Variants in PTPRD observed in about 807,000 individuals in gnomAD.
PTPRD encodes protein tyrosine phosphatase receptor type D, also known as receptor-type tyrosine-protein phosphatase delta.
A neutral mutation model predicts 214.5 loss-of-function variants in PTPRD; 34 were observed. The observed-to-expected ratio is 0.16, with a 90% confidence interval of 0.12 to 0.21. The LOEUF (loss-of-function observed/expected upper bound fraction) is 0.21, where lower values mean the gene tolerates loss of function less well. Among genes scored for constraint, PTPRD ranks in the 10% least tolerant of loss-of-function variants. The probability of loss-of-function intolerance (pLI) is 1.00; values close to 1 mark genes in which losing one functional copy is unlikely to be tolerated. For synonymous variants in PTPRD, 1,128 were observed against 845.7 expected (o/e 1.33, Z -5.79); for missense variants, 2,545 against 2,398.7 (o/e 1.06, Z -1.27).
At chr9:9,969,125 G>A (rs1430667104) in intron 4 of PTPRD, among the ~76,000 whole-genome samples, 1 of 152,024 alleles carries the variant, frequency 6.6e-6, no homozygotes, top group Non-Finnish European at 1.5e-5. Context: ...TCTCACTGAG[G>A]AAATAACAAA....
chr9:10,563,137 G>A (rs118127110), intron 2 of PTPRD, among the ~76,000 whole-genome samples: 32 of 152,222 alleles, frequency 2.1e-4, no homozygotes, highest in Non-Finnish European at 4.6e-4. Flanking sequence ...CTGAATACCA[G>A]AAACATGCTA....
intron 2 of PTPRD, among the ~76,000 whole-genome samples, chr9:10,372,836 C>CATTATTATTATTATTATT (rs6150914): frequency 6.8e-5 from 10 of 146,632 alleles, no homozygotes; most frequent in African/African-American, 2.5e-4. Context: ...TGTTTTTATA[C>CATTATTATTATTATTATT]ATTATTATTA....
At chr9:10,402,309 T>G (rs150297100) in intron 2 of PTPRD, among the ~76,000 whole-genome samples, 1 of 151,872 alleles carries the variant, frequency 6.6e-6, no homozygotes, top group African/African-American at 2.4e-5. Context: ...TATACTTCTA[T>G]GAACTCTCTG....
intron 6 of PTPRD, among the ~76,000 whole-genome samples, chr9:9,762,659 T>G (rs1160287522): frequency 6.6e-6 from 1 of 152,216 alleles, no homozygotes. Context: ...TCTCTTCCAG[T>G]TTACACTGAC....
intron 14 of PTPRD, among the ~76,000 whole-genome samples, chr9:8,556,502 C>T (rs149832083): frequency 7.8e-4 from 119 of 152,142 alleles, no homozygotes; most frequent in African/African-American, 2.8e-3. Context: ...GTGCTAAAAG[C>T]ACTTAATTAG....
At chr9:9,976,899 T>A (rs1480067810) in intron 4 of PTPRD, among the ~76,000 whole-genome samples, 1 of 151,918 alleles carries the variant, frequency 6.6e-6, no homozygotes, top group Non-Finnish European at 1.5e-5. Context: ...CACAACAAAT[T>A]TGATTTGGCG....
intron 3 of PTPRD, among the ~76,000 whole-genome samples, chr9:10,063,230 C>T (rs186125615): frequency 2.9e-3 from 438 of 152,108 alleles, no homozygotes; most frequent in Middle Eastern, 0.01. Flanking sequence ...CTTCTGTCAA[C>T]GTTTTAACCA....
At chr9:8,327,444 T>A (rs989797414) in intron 44 of PTPRD, among the ~76,000 whole-genome samples, 18 of 152,176 alleles carry the variant, frequency 1.2e-4, no homozygotes, top group African/African-American at 4.3e-4. Context: ...GAGGAGTGTT[T>A]TACTTCCAAT....
chr9:10,006,189 A>C (rs1439681882), intron 4 of PTPRD, among the ~76,000 whole-genome samples: 1 of 152,044 alleles, frequency 6.6e-6, no homozygotes, highest in African/African-American at 2.4e-5. Flanking sequence ...TGGAAAAATA[A>C]TCATACAATT....
At chr9:8,337,661 TA>T (rs758648301) in intron 43 of PTPRD, among the ~76,000 whole-genome samples, 57 of 145,474 alleles carry the variant, frequency 3.9e-4, no homozygotes, top group Non-Finnish European at 3.8e-4. Context: ...AGGGAGACTT[TA>T]AAAAAAAAAA....
At chr9:9,380,862 C>G (rs182201610) in intron 9 of PTPRD, among the ~76,000 whole-genome samples, 1 of 152,176 alleles carries the variant, frequency 6.6e-6, no homozygotes, top group Non-Finnish European at 1.5e-5. Flanking sequence ...GTTTAACACT[C>G]TATTTTTAGG....
intron 2 of PTPRD, among the ~76,000 whole-genome samples, chr9:10,347,938 T>C (rs540807173): frequency 6.9e-4 from 104 of 151,572 alleles, no homozygotes; most frequent in African/African-American, 2.3e-3. Flanking sequence ...GTGCCTGGAG[T>C]CCCTGCTATT....
At chr9:9,329,216 T>C (rs73390874) in intron 9 of PTPRD, among the ~76,000 whole-genome samples, 2,445 of 152,168 alleles carry the variant, frequency 0.016, 58 homozygotes, top group African/African-American at 0.056. Context: ...GGCTACTTAC[T>C]TTTATTGTTT....
At chr9:9,750,048 C>A (rs186973466) in intron 6 of PTPRD, among the ~76,000 whole-genome samples, 1 of 151,978 alleles carries the variant, frequency 6.6e-6, no homozygotes, top group Non-Finnish European at 1.5e-5. Flanking sequence ...AAAACAACTA[C>A]GAAAAATAAA....
intron 9 of PTPRD, among the ~76,000 whole-genome samples, chr9:9,195,991 A>G (rs2099938364): frequency 2.0e-5 from 3 of 152,182 alleles, no homozygotes; most frequent in Non-Finnish European, 4.4e-5. Flanking sequence ...TGAAGAATTA[A>G]AAGATAAAAG....
intron 4 of PTPRD, among the ~76,000 whole-genome samples, chr9:9,998,126 AAAAAT>A (rs1184867398): frequency 1.1e-4 from 9 of 78,584 alleles, no homozygotes; most frequent in African/African-American, 3.7e-4. Flanking sequence ...AAAAAAAAAA[AAAAAT>A]ATATATATAT....
intron 2 of PTPRD, among the ~76,000 whole-genome samples, chr9:10,354,801 A>C (rs1161580506): frequency 1.3e-5 from 2 of 152,132 alleles, no homozygotes; most frequent in Admixed American, 6.5e-5. Context: ...TGCATCTGAC[A>C]GTTCTAATGG....
intron 5 of PTPRD, among the ~76,000 whole-genome samples, chr9:9,860,735 C>T (rs16874): frequency 0.35 from 52,474 of 151,946 alleles, 10,002 homozygotes; most frequent in East Asian, 0.74. Flanking sequence ...CCTAGGACCA[C>T]TAAACAATTG....
chr9:9,037,171 A>T (rs1011856563), intron 10 of PTPRD, among the ~76,000 whole-genome samples: 2 of 152,124 alleles, frequency 1.3e-5, no homozygotes, highest in Non-Finnish European at 2.9e-5. Context: ...TGTGTATCTC[A>T]GGCTAAAACA....
Sources: allele counts gnomAD v4.1 joint callset (sites outside exome capture counted in the v4.1 genomes callset), GRCh38; gene constraint gnomAD v4.1.1; transcripts MANE v1.5; gene names NCBI Gene and HGNC (gene_info 2026-07-23, HGNC 2026-07-21).